Variants in RALYL observed in about 807,000 individuals in gnomAD.
RALYL encodes RALY RNA binding protein like, also known as RNA-binding Raly-like protein.
RALYL carries 29 observed loss-of-function variants against 35.1 expected under a neutral mutation model. That is an observed-to-expected ratio of 0.83 (90% CI 0.61 to 1.13). The LOEUF (loss-of-function observed/expected upper bound fraction) is 1.13, where lower values mean the gene tolerates loss of function less well. Ranked by LOEUF, RALYL falls within the 50% of genes most tolerant of loss-of-function variation. The pLI is 0.00. For missense variants in RALYL, 359 were observed against 360.4 expected (o/e 1.00, Z 0.03); for synonymous variants, 120 against 127.6 (o/e 0.94, Z 0.40).
chr8:84,299,305 C>T (rs1302234142), intron 1 of RALYL, among the ~76,000 whole-genome samples: 1 of 152,016 alleles, frequency 6.6e-6, no homozygotes, highest in Non-Finnish European at 1.5e-5. Flanking sequence ...AACTTGCATC[C>T]TAGAAATGAA....
At chr8:84,777,034 A>C (rs917393610) in intron 3 of RALYL, among the ~76,000 whole-genome samples, 2 of 152,234 alleles carry the variant, frequency 1.3e-5, no homozygotes, top group Non-Finnish European at 2.9e-5. Context: ...ACGTAAGCTT[A>C]AGAAAAAAAT....
intron 1 of RALYL, among the ~76,000 whole-genome samples, chr8:84,476,407 C>G (rs78965629): frequency 2.6e-3 from 389 of 152,232 alleles, no homozygotes; most frequent in Non-Finnish European, 4.8e-3. Flanking sequence ...CTTTTGCTTT[C>G]TATAAAAAGC....
chr8:84,920,135 T>G (rs1431990712), intron 8 of RALYL, among the ~76,000 whole-genome samples: 1 of 152,144 alleles, frequency 6.6e-6, no homozygotes, highest in South Asian at 2.1e-4. Flanking sequence ...TCTTTGACTC[T>G]TAAGACATAC....
intron 1 of RALYL, among the ~76,000 whole-genome samples, chr8:84,518,081 C>G (rs1022931756): frequency 6.6e-6 from 1 of 152,108 alleles, no homozygotes; most frequent in Admixed American, 6.6e-5. Flanking sequence ...ACTATTTATG[C>G]TAACATTAAA....
At chr8:84,619,808 G>C (rs1250035117) in intron 2 of RALYL, among the ~76,000 whole-genome samples, 2 of 151,576 alleles carry the variant, frequency 1.3e-5, no homozygotes, top group East Asian at 3.9e-4. Flanking sequence ...AAATCTCTCA[G>C]CATTTGCTTG....
chr8:84,570,455 C>A (rs1032293415), intron 2 of RALYL, among the ~76,000 whole-genome samples: 2 of 151,566 alleles, frequency 1.3e-5, no homozygotes, highest in Non-Finnish European at 3.0e-5. Context: ...TTACTGATAT[C>A]ATTTATTGAT....
intron 1 of RALYL, among the ~76,000 whole-genome samples, chr8:84,324,894 G>T (rs1845533865): frequency 6.6e-6 from 1 of 152,024 alleles, no homozygotes. Flanking sequence ...TCATCAGGAA[G>T]CATCTTAAAA....
intron 1 of RALYL, among the ~76,000 whole-genome samples, chr8:84,432,835 G>A (rs956997948): frequency 6.6e-6 from 1 of 151,976 alleles, no homozygotes; most frequent in Non-Finnish European, 1.5e-5. Context: ...GGCAAGAAAG[G>A]TTCCTACCCA....
chr8:84,737,787 C>G (rs1847585785), intron 2 of RALYL, among the ~76,000 whole-genome samples: 1 of 151,908 alleles, frequency 6.6e-6, no homozygotes, highest in South Asian at 2.1e-4. Context: ...AGAGGCTCCA[C>G]AGAGATTCCT....
chr8:84,446,958 C>T (rs563890960), intron 1 of RALYL, among the ~76,000 whole-genome samples: 60 of 152,194 alleles, frequency 3.9e-4, no homozygotes, highest in African/African-American at 1.3e-3. Flanking sequence ...ATAATTCACA[C>T]GCTACCGAGC....
chr8:84,318,688 G>C (rs892068220), intron 1 of RALYL, among the ~76,000 whole-genome samples: 2 of 152,100 alleles, frequency 1.3e-5, no homozygotes, highest in Non-Finnish European at 2.9e-5. Flanking sequence ...GGCCAGGCCT[G>C]TACAAGAGTC....
At chr8:84,346,338 G>A (rs1427630969) in intron 1 of RALYL, among the ~76,000 whole-genome samples, 1 of 152,058 alleles carries the variant, frequency 6.6e-6, no homozygotes. Context: ...ACCCATGTTG[G>A]TTTTTTGGTA....
At chr8:84,309,641 C>G (rs1026717390) in intron 1 of RALYL, among the ~76,000 whole-genome samples, 1 of 151,614 alleles carries the variant, frequency 6.6e-6, no homozygotes, top group African/African-American at 2.4e-5. Context: ...AGAAGTTAAA[C>G]GAAATAAGCA....
At chr8:84,709,314 G>A (rs1276005623) in intron 2 of RALYL, among the ~76,000 whole-genome samples, 2 of 152,006 alleles carry the variant, frequency 1.3e-5, no homozygotes, top group Non-Finnish European at 2.9e-5. Flanking sequence ...CTGGGCTTGT[G>A]TGCTTCAGAT....
Position 84,695,655 on chromosome 8 carries a change from G to A in RALYL, c.257-78924G>A, listed in dbSNP as rs140247941. On this transcript the variant is annotated intron_variant, in intron 2 of 8. Coordinates refer to ENST00000521268, the MANE Select transcript of RALYL (RefSeq NM_173848.7). ...AGTATATACTTAGTATTTGTTGCAT[G>A]AAGTAATGAGGTATAGAATTCTATT... 1.4e-4 allele frequency among the ~76,000 whole-genome samples: 22 copies of A among 151,870 alleles called. No homozygotes were observed. The East Asian group carries it at 4.1e-3, about 28-fold the overall frequency.
chr8:84,587,175 A>G (rs1812210344), intron 2 of RALYL, among the ~76,000 whole-genome samples: 1 of 152,206 alleles, frequency 6.6e-6, no homozygotes, highest in Admixed American at 6.5e-5. Flanking sequence ...CTGAGATACA[A>G]ACTTTTCAGC....
chr8:84,220,541 G>A (rs1821948126), intron 1 of RALYL, among the ~76,000 whole-genome samples: 1 of 151,880 alleles, frequency 6.6e-6, no homozygotes, highest in African/African-American at 2.4e-5. Context: ...TATGGTAAAT[G>A]ATAATAAATC....
At chr8:84,491,018 T>A (rs1049659155) in intron 1 of RALYL, among the ~76,000 whole-genome samples, 2 of 151,926 alleles carry the variant, frequency 1.3e-5, no homozygotes, top group African/African-American at 4.8e-5. Context: ...GAGGAAGCAT[T>A]TATGATCAAA....
At chr8:84,425,058 T>G (rs1415208293) in intron 1 of RALYL, among the ~76,000 whole-genome samples, 1 of 152,208 alleles carries the variant, frequency 6.6e-6, no homozygotes, top group East Asian at 1.9e-4. Flanking sequence ...CAGACCTCCT[T>G]GAGCTGTGGT....
Sources: allele counts gnomAD v4.1 joint callset (sites outside exome capture counted in the v4.1 genomes callset), GRCh38; gene constraint gnomAD v4.1.1; transcripts MANE v1.5; gene names NCBI Gene and HGNC (gene_info 2026-07-23, HGNC 2026-07-21).